The following HERC4 variants were observed in gnomAD, a reference collection of about 807,000 sequenced individuals.
HERC4 encodes probable E3 ubiquitin-protein ligase HERC4.
HERC4 carries 28 observed loss-of-function variants against 124.3 expected under a neutral mutation model. The observed-to-expected ratio is 0.23, with a 90% confidence interval of 0.17 to 0.31. The LOEUF is 0.31. HERC4 is among the 10% of genes least tolerant of loss of function. The pLI, the probability that HERC4 is intolerant of heterozygous loss-of-function variation, is 1.00. For missense variants in HERC4, 713 were observed against 1,229.3 expected, an observed-to-expected ratio of 0.58 and a Z score of 6.28; for synonymous variants, 407 against 421.5, an observed-to-expected ratio of 0.97 and a Z score of 0.42.
chr10:68,007,370 T>C (rs938816677), intron 9 of HERC4, among the ~76,000 whole-genome samples: 25 of 152,180 alleles, frequency 1.6e-4, no homozygotes, highest in African/African-American at 6.0e-4. Context: ...TTCCTCTGTT[T>C]ATCTTCAGTT....
chr10:67,958,028 T>C (rs569926414), intron 16 of HERC4, among the ~76,000 whole-genome samples: 84 of 152,204 alleles, frequency 5.5e-4, no homozygotes, highest in African/African-American at 1.9e-3. Flanking sequence ...AGGCTAGTCT[T>C]GAACTCCTGA....
intron 24 of HERC4, among the ~76,000 whole-genome samples, chr10:67,924,425 C>T (rs2030632484): frequency 6.6e-6 from 1 of 152,064 alleles, no homozygotes; most frequent in African/African-American, 2.4e-5. Context: ...ATGATATAGC[C>T]CTATTGCTCC....
At chr10:67,990,780 C>A in intron 13 of HERC4, 124 bp downstream of exon 13, 1 of 541,810 alleles carries the variant, frequency 1.8e-6, no homozygotes, top group Non-Finnish European at 3.2e-6. Flanking sequence ...AAAATAAAAT[C>A]TTATTTTAAA....
rs538592679 is a variant in HERC4 at position 68,010,459 on chromosome 10, A to G, written c.1069+3567T>C. On this transcript the variant is annotated intron_variant, in intron 9 of 24. Transcript: ENST00000373700. The stretch of plus-strand genomic sequence containing the variant: ...TGCTTGCCCTTCTGGCGCCAATTAC[A>G]GAACCACACTCGGATCACATCCTTC... 1.6e-5 allele frequency: 15 copies of G among 931,086 alleles called. No homozygotes were observed. The Admixed American group carries it at 2.8e-4, about 17-fold the overall frequency. The allele number at this position is 931,086 out of a possible 1,614,324, so 57.7% of individuals were successfully genotyped here.
At chr10:67,941,745 C>T (rs1412489827) in intron 19 of HERC4, among the ~76,000 whole-genome samples, 2 of 124,412 alleles carry the variant, frequency 1.6e-5, no homozygotes, top group African/African-American at 6.1e-5. Flanking sequence ...GTGGTGTGAT[C>T]TCTGCTCACT....
chr10:67,937,122 T>A (rs981176419), intron 21 of HERC4, among the ~76,000 whole-genome samples: 3 of 151,944 alleles, frequency 2.0e-5, no homozygotes, highest in Non-Finnish European at 2.9e-5. Context: ...AGAGTGAGAT[T>A]TCAGACAGAG....
intron 23 of HERC4, among the ~76,000 whole-genome samples, chr10:67,931,932 T>A (rs1054417457): frequency 1.3e-5 from 2 of 152,196 alleles, no homozygotes; most frequent in Non-Finnish European, 2.9e-5. Context: ...GGCTAATTTT[T>A]AAAATTATTT....
intron 8 of HERC4, among the ~76,000 whole-genome samples, chr10:68,016,541 T>C (rs1425164435): frequency 6.6e-6 from 1 of 151,984 alleles, no homozygotes; most frequent in African/African-American, 2.4e-5. Flanking sequence ...TTAGTAGAGA[T>C]GGGGTTTCAC....
chr10:68,017,885 T>C lies in HERC4; in HGVS notation c.909-3699A>G, dbSNP rs74924746. ...TCAAGAAATAATAAAAGCTATCTCA[T>C]AGCCACTAAAGAAATTGAAGAATGT... On this transcript the variant is annotated intron_variant, in intron 8 of 24. Transcript: ENST00000373700. Among the ~76,000 whole-genome samples, 879 of 152,328 alleles carry C rather than the reference T, an allele frequency of 5.8e-3. 40 individuals are homozygous for C. The East Asian group carries it at 0.1, about 18-fold the overall frequency.
At chr10:68,026,825 A>G (rs2038925553) in intron 7 of HERC4, among the ~76,000 whole-genome samples, 1 of 151,724 alleles carries the variant, frequency 6.6e-6, no homozygotes, top group South Asian at 2.1e-4. Flanking sequence ...CCTGGGCGAC[A>G]GAAAGACTCC....
At chr10:67,954,189 C>CT (rs995474546) in intron 19 of HERC4, 134 of 152,874 alleles carry the variant, frequency 8.8e-4, no homozygotes, top group African/African-American at 3.0e-3. Context: ...GTGGGTGTGA[C>CT]TTTTTTTTTC....
At position 68,051,523 on chromosome 10, in the gene HERC4, T is replaced by G. The variant is rs12785138; in HGVS notation, c.227-6960A>C. Among the ~76,000 whole-genome samples, 66 of 144,826 alleles carry G rather than the reference T, an allele frequency of 4.6e-4. 1 individual carries two copies. The highest frequency in any genetic ancestry group is 1.5e-3 in the Admixed American group (21 of 14,466). On this transcript the variant is annotated intron_variant, in intron 3 of 24. Coordinates refer to ENST00000373700, the MANE Select transcript of HERC4 (RefSeq NM_015601.4). ...CCATGCCCAGCTAGTTTTTTTTTGG[T>G]TTTTTTTTTGTATTTTTAGTAGAGA...
At chr10:67,984,811 T>G (rs973730154) in intron 15 of HERC4, among the ~76,000 whole-genome samples, 13 of 152,204 alleles carry the variant, frequency 8.5e-5, no homozygotes, top group African/African-American at 3.1e-4. Flanking sequence ...CTTGAACTCC[T>G]GACCTCAAGT....
chr10:67,929,764 C>T (rs1406291230), intron 23 of HERC4, among the ~76,000 whole-genome samples: 1 of 152,022 alleles, frequency 6.6e-6, no homozygotes, highest in African/African-American at 2.4e-5. Flanking sequence ...ATCTGCCAAC[C>T]TCAGCCTCCC....
At chr10:67,931,817 C>G (rs1379018504) in intron 23 of HERC4, among the ~76,000 whole-genome samples, 3 of 152,144 alleles carry the variant, frequency 2.0e-5, no homozygotes, top group African/African-American at 7.2e-5. Flanking sequence ...GGGTCAAGTG[C>G]AGTGGTATAA....
At chr10:68,059,453 T>C (rs1243556748) in intron 3 of HERC4, among the ~76,000 whole-genome samples, 1 of 122,210 alleles carries the variant, frequency 8.2e-6, no homozygotes, top group African/African-American at 3.6e-5. Context: ...TAATATTATA[T>C]ATTATAATAA....
intron 19 of HERC4, 67 bp from the exon 20 acceptor site, chr10:67,941,172 T>A (rs893720173): frequency 1.4e-5 from 16 of 1,110,540 alleles, no homozygotes; most frequent in Middle Eastern, 2.9e-4. Flanking sequence ...TAAGATTACA[T>A]AAATATGCTC....
chr10:68,037,091 C>CTTTTTT (rs35105661), intron 5 of HERC4, among the ~76,000 whole-genome samples: 4 of 106,944 alleles, frequency 3.7e-5, no homozygotes, highest in Admixed American at 1.0e-4. Context: ...CCTATTTCTT[C>CTTTTTT]TTTTTTTTTT....
intron 15 of HERC4, among the ~76,000 whole-genome samples, chr10:67,967,355 TACA>T (rs1377658350): frequency 6.6e-6 from 1 of 152,134 alleles, no homozygotes; most frequent in African/African-American, 2.4e-5. Flanking sequence ...TCTTTATAAC[TACA>T]ACACAGTATG....
Sources: gnomAD v4.1 joint callset for allele counts (sites outside exome capture counted in the v4.1 genomes callset) on GRCh38, gnomAD v4.1.1 for gene constraint, MANE v1.5 for transcripts, NCBI Gene and HGNC (gene_info 2026-07-23, HGNC 2026-07-21) for gene names.